NLRP1: variants seen among roughly 807,000 people sequenced by gnomAD.
NLRP1 encodes the protein NLR family pyrin domain containing 1.
Under a neutral mutation model 136.7 loss-of-function variants are expected in NLRP1, and 94 were observed. The observed-to-expected ratio is 0.69, with a 90% CI of 0.58 to 0.82. The LOEUF (loss-of-function observed/expected upper bound fraction) is 0.82. Ranked by LOEUF, NLRP1 falls within the 40% of genes least tolerant of loss-of-function variation. NLRP1 has a pLI of 0.00. For synonymous variants in NLRP1, 690 were observed against 725.1 expected, an observed-to-expected ratio of 0.95 and a Z score of 0.78; for missense variants, 1,575 against 1,802.7, an observed-to-expected ratio of 0.87 and a Z score of 2.29.
intron 4 of NLRP1, among the ~76,000 whole-genome samples, chr17:5,554,242 C>A (rs917576930): frequency 6.6e-6 from 1 of 152,064 alleles, no homozygotes; most frequent in African/African-American, 2.4e-5. Flanking sequence ...ATATTTGCAG[C>A]CTGAGGGGAA....
chr17:5,578,880 G>A (rs569967632), intron 3 of NLRP1, among the ~76,000 whole-genome samples: 20 of 152,300 alleles, frequency 1.3e-4, no homozygotes, highest in Non-Finnish European at 2.6e-4. Context: ...ATCAATGATA[G>A]ACTGGATTAA....
chr17:5,582,940 G>C lies in NLRP1; in HGVS notation c.272-94C>G, dbSNP rs148760517. 1.2e-4 allele frequency: 125 copies of C among 1,001,312 alleles called. 1 individual carries two copies. The Middle Eastern group carries it at 1.7e-3, about 14-fold the overall frequency. 62.0% of individuals were successfully genotyped at this position (1,001,312 alleles called of 1,614,324 possible). A position where few individuals can be genotyped will look rare whatever the true frequency, so the allele number is the denominator to read the frequency against. ...CTGGTCTCCTCTCTCAACCAAGAGA[G>C]GTCAGGATACACCAGTGAACCCGCT... On this transcript the variant is annotated intron_variant, in intron 1 of 16. Transcript: ENST00000572272.
intron 8 of NLRP1, among the ~76,000 whole-genome samples, chr17:5,534,906 C>A (rs888794320): frequency 1.3e-5 from 2 of 152,200 alleles, no homozygotes; most frequent in African/African-American, 4.8e-5. Context: ...GTGCGCTTAA[C>A]AATCATCTGG....
intron 3 of NLRP1, among the ~76,000 whole-genome samples, chr17:5,575,446 A>G (rs1007143467): frequency 6.6e-6 from 1 of 152,204 alleles, no homozygotes; most frequent in East Asian, 1.9e-4. Context: ...AAGCAAATGG[A>G]AAACAAAAAA....
intron 5 of NLRP1, among the ~76,000 whole-genome samples, chr17:5,543,346 C>T (rs1912124152): frequency 6.6e-6 from 1 of 152,120 alleles, no homozygotes; most frequent in Admixed American, 6.5e-5. Flanking sequence ...GGCAGGGGCA[C>T]GCGTGGCTGG....
chr17:5,539,037 G>A (rs12150286), intron 7 of NLRP1, among the ~76,000 whole-genome samples: 7,179 of 152,058 alleles, frequency 0.047, 194 homozygotes, highest in Middle Eastern at 0.088. Context: ...TGCCCAGCTA[G>A]TTTTTATATT....
At chr17:5,532,633 C>G (rs1160931022) in intron 11 of NLRP1, among the ~76,000 whole-genome samples, 189 bp downstream of exon 11, 4 of 152,142 alleles carry the variant, frequency 2.6e-5, no homozygotes, top group Non-Finnish European at 5.9e-5. Context: ...AAGAAAACAT[C>G]TTTTTCCATA....
intron 5 of NLRP1, among the ~76,000 whole-genome samples, chr17:5,546,668 C>T (rs1912703314): frequency 1.3e-5 from 2 of 152,146 alleles, no homozygotes; most frequent in Non-Finnish European, 2.9e-5. Flanking sequence ...AAAAACACTA[C>T]ATGGTCTCAC....
chr17:5,579,909 G>C (rs748261341), intron 3 of NLRP1, among the ~76,000 whole-genome samples: 2 of 152,102 alleles, frequency 1.3e-5, no homozygotes, highest in Non-Finnish European at 2.9e-5. Context: ...GGGACCTTTT[G>C]AGAGTGAAGA....
intron 16 of NLRP1, 149 bp from the exon 17 acceptor site, chr17:5,515,222 A>G: frequency 1.1e-6 from 1 of 874,080 alleles, no homozygotes; most frequent in East Asian, 2.6e-5. Context: ...CTAGCTTGGC[A>G]TTCTGCCAGA....
At chr17:5,540,569 ACCTGGCTTCAAAT>A (rs1415503115) in intron 6 of NLRP1, among the ~76,000 whole-genome samples, 1 of 152,128 alleles carries the variant, frequency 6.6e-6, no homozygotes, top group East Asian at 1.9e-4. Flanking sequence ...TTGAGGTCAG[ACCTGGCTTCAAAT>A]CCTGGTGCAG....
chr17:5,539,433 C>A lies in NLRP1; in HGVS notation c.2852G>T (p.Cys951Phe). 2 of 1,613,112 alleles carry A rather than the reference C, an allele frequency of 1.2e-6. No individual in the cohort carries two copies. Among genetic ancestry groups the A allele is most frequent in the Non-Finnish European group, 1.7e-6 (2 of 1,179,494 alleles). ...LLCEGLRHPA[C>F]KLIRLGLDQT... ...GCCTTACCCCAGGCGTATGAGTTTG[C>A]AGGCAGGATGCCTGAGCCCCTCACA... The change falls in exon 7 of 17, where the codon TGC (cysteine) becomes TTC (phenylalanine). Residue 951 changes from cysteine to phenylalanine, a missense_variant. Cys to Phe is a radical substitution (Grantham distance 205). Transcript: ENST00000572272.
chr17:5,582,763 G>C lies in NLRP1; in HGVS notation c.355C>G (p.Pro119Ala). The C allele has an allele frequency of 6.2e-7, 1 of 1,614,124 alleles. No individual in the cohort carries two copies. The change falls in exon 2 of 17, where the codon CCC (proline) becomes GCC (alanine). Residue 119 changes from proline to alanine, a missense_variant. Pro to Ala is a conservative substitution (Grantham distance 27, BLOSUM62 -1). Transcript: ENST00000572272. ...CCCGCCGGCAATTCATGGATCCAGG[G>C]CATTAGCACTGCGGTGGAGGTGGGT... is the stretch of plus-strand genomic sequence containing the variant. ...SQPTSTAVLM[P>A]WIHELPAGCT...
At chr17:5,531,020 T>TGAA (rs1910169643) in intron 11 of NLRP1, among the ~76,000 whole-genome samples, 2 of 152,212 alleles carry the variant, frequency 1.3e-5, no homozygotes, top group Non-Finnish European at 2.9e-5. Flanking sequence ...GTGAACTGTT[T>TGAA]CTACTATGTT....
At chr17:5,533,791 C>G in intron 9 of NLRP1, 106 bp downstream of exon 9, 1 of 782,762 alleles carries the variant, frequency 1.3e-6, no homozygotes, top group Non-Finnish European at 2.2e-6. Context: ...GGTAGGAAAC[C>G]TGCCCCGTCC....
chr17:5,519,277 C>T (rs1446626277), intron 14 of NLRP1, among the ~76,000 whole-genome samples: 2 of 151,364 alleles, frequency 1.3e-5, no homozygotes, highest in East Asian at 2.0e-4. Context: ...GCTGGGATTA[C>T]AGGCTTGAGC....
At chr17:5,549,088 T>C (rs1236974890) in intron 5 of NLRP1, among the ~76,000 whole-genome samples, 7 of 152,242 alleles carry the variant, frequency 4.6e-5, no homozygotes, top group African/African-American at 1.7e-4. Context: ...ACATGGGACA[T>C]CTTTTCATTT....
chr17:5,553,153 A>T (rs1360711879), intron 5 of NLRP1, among the ~76,000 whole-genome samples: 3 of 152,012 alleles, frequency 2.0e-5, no homozygotes, highest in Admixed American at 6.6e-5. Context: ...TGCTTTGCTT[A>T]GTTAAATCCT....
chr17:5,501,810 G>A (rs758780620), exon 16 of NLRP1: 1 of 1,613,360 alleles, frequency 6.2e-7, no homozygotes, highest in East Asian at 2.2e-5. Flanking sequence ...CAGGCTGCTG[G>A]GCACTAGTAT....
Sources: gnomAD v4.1 joint callset for allele counts (sites outside exome capture counted in the v4.1 genomes callset) on GRCh38, gnomAD v4.1.1 for gene constraint, MANE v1.5 for transcripts, NCBI Gene and HGNC (gene_info 2026-07-23, HGNC 2026-07-21) for gene names.